Variants in CRYBG1 observed in about 807,000 individuals in gnomAD.
CRYBG1 encodes beta/gamma crystallin domain-containing protein 1.
A neutral mutation model predicts 189.2 loss-of-function variants in CRYBG1; 139 were observed. The ratio of observed to expected loss-of-function variants is 0.73; its 90% CI spans 0.64 to 0.85. The LOEUF is 0.85. Among genes scored for constraint, CRYBG1 ranks in the 40% least tolerant of loss-of-function variants. CRYBG1 has a pLI of 0.00. For missense variants in CRYBG1, 2,611 were observed against 2,675.8 expected (o/e 0.98, Z 0.53); for synonymous variants, 1,023 against 1,017.1 (o/e 1.01, Z -0.11).
At chr6:106,452,966 A>G (rs1582771028) in intron 2 of CRYBG1, among the ~76,000 whole-genome samples, 2 of 152,364 alleles carry the variant, frequency 1.3e-5, no homozygotes, top group Admixed American at 6.5e-5. Flanking sequence ...TATATTTGTC[A>G]TGAAAGAAAT....
intron 1 of CRYBG1, among the ~76,000 whole-genome samples, chr6:106,396,123 C>T (rs1008622170): frequency 9.9e-5 from 15 of 152,172 alleles, no homozygotes; most frequent in African/African-American, 3.6e-4. Context: ...ACTAGGATGC[C>T]TAAGTGCCAG....
chr6:106,414,515 A>G (rs1158254783), intron 1 of CRYBG1, among the ~76,000 whole-genome samples: 2 of 152,358 alleles, frequency 1.3e-5, no homozygotes, highest in East Asian at 3.8e-4. Flanking sequence ...GAGTTCTTCA[A>G]AATGTCCACC....
chr6:106,507,502 T>G (rs1773157764), intron 2 of CRYBG1, among the ~76,000 whole-genome samples: 2 of 152,154 alleles, frequency 1.3e-5, no homozygotes, highest in African/African-American at 4.8e-5. Flanking sequence ...TGAGGAAGCA[T>G]GAAGAAACTT....
Position 106,513,043 on chromosome 6 carries a change from A to C in CRYBG1, c.1922+4A>C, listed in dbSNP as rs1323147496. On this transcript the variant is annotated splice_donor_region_variant and intron_variant, in intron 3 of 21. Transcript: ENST00000633556. ...CAGTGACCACTAAAGTGACCCTGTA[A>C]GTAGCCGCGCAAGTCCCGGCCGAGT... is the stretch of plus-strand genomic sequence containing the variant. 5.0e-6 allele frequency: 8 copies of C among 1,597,940 alleles called. No individual in the cohort carries two copies. The African/African-American group carries it at 1.1e-4, about 21-fold the overall frequency.
intron 13 of CRYBG1, among the ~76,000 whole-genome samples, chr6:106,550,007 G>T (rs762660085): frequency 6.6e-6 from 1 of 152,180 alleles, no homozygotes; most frequent in East Asian, 1.9e-4. Context: ...CCTCAGGACA[G>T]GTAGGTTCAG....
At chr6:106,534,426 G>A (rs1369265520) in intron 8 of CRYBG1, among the ~76,000 whole-genome samples, 1 of 152,204 alleles carries the variant, frequency 6.6e-6, no homozygotes, top group Non-Finnish European at 1.5e-5. Context: ...CAGGTCATTA[G>A]TGCTTTTATA....
chr6:106,546,841 T>C (rs1306284361), intron 13 of CRYBG1, among the ~76,000 whole-genome samples: 3 of 152,248 alleles, frequency 2.0e-5, no homozygotes, highest in Non-Finnish European at 2.9e-5. Flanking sequence ...GAAACAGTTG[T>C]ACATTTTGAT....
intron 16 of CRYBG1, among the ~76,000 whole-genome samples, chr6:106,553,897 C>T (rs1774468651): frequency 3.3e-5 from 5 of 152,156 alleles, no homozygotes; most frequent in Admixed American, 3.3e-4. Flanking sequence ...ACAGGATCGG[C>T]ACTCTGCATT....
intron 4 of CRYBG1, among the ~76,000 whole-genome samples, chr6:106,523,111 G>A (rs1773648969): frequency 6.6e-6 from 1 of 151,878 alleles, no homozygotes; most frequent in Non-Finnish European, 1.5e-5. Context: ...TACTCCGCTG[G>A]ACATTTGAGA....
chr6:106,507,380 A>G (rs1445608941), intron 2 of CRYBG1, among the ~76,000 whole-genome samples: 3 of 152,214 alleles, frequency 2.0e-5, no homozygotes, highest in Non-Finnish European at 4.4e-5. Flanking sequence ...AATACACAGT[A>G]AAAAGGTAAA....
intron 1 of CRYBG1, among the ~76,000 whole-genome samples, chr6:106,421,754 A>C (rs1287451576): frequency 6.6e-6 from 1 of 152,086 alleles, no homozygotes; most frequent in Non-Finnish European, 1.5e-5. Flanking sequence ...TAAAGACATA[A>C]CCTGAGACTG....
rs995584549 is a variant in CRYBG1, at chr6:106,457,822, T to A, written c.312+5990T>A. ...CTGCTTTGTAGGAGTCCCTATGTGC[T>A]CTATCAGTGCTGATCCAACAGGTCA... On this transcript the variant is annotated intron_variant, in intron 2 of 21. Transcript: ENST00000633556. 2.6e-5 allele frequency among the ~76,000 whole-genome samples: 4 copies of A among 152,214 alleles called. No individual in the cohort carries two copies. In the South Asian group the frequency reaches 8.3e-4, roughly 31 times the overall value.
At chr6:106,470,964 T>A (rs758744597) in intron 2 of CRYBG1, among the ~76,000 whole-genome samples, 7 of 152,192 alleles carry the variant, frequency 4.6e-5, no homozygotes, top group African/African-American at 1.2e-4. Context: ...GAACTTGGGT[T>A]TTTTGCACTG....
rs556505651 is a variant in CRYBG1, at chr6:106,557,572, G to A, written c.5716-914G>A. On this transcript the variant is annotated intron_variant, in intron 17 of 21. Coordinates refer to ENST00000633556, the MANE Select transcript of CRYBG1 (RefSeq NM_001371242.2). ...ATTACAAGCATGCACCACCATGCCC[G>A]GCTAATTTTTTTGTGTTTGTTTGTT... Among the ~76,000 whole-genome samples the A allele has an allele frequency of 3.3e-5, 5 of 152,120 alleles. No homozygotes were observed. The South Asian group carries it at 8.3e-4, about 25-fold the overall frequency.
intron 3 of CRYBG1, among the ~76,000 whole-genome samples, chr6:106,517,397 TATATAC>T (rs557938522): frequency 0.014 from 1,768 of 128,324 alleles, 61 homozygotes; most frequent in African/African-American, 0.048. Flanking sequence ...CACATATATA[TATATAC>T]ACACACACAT....
At position 106,520,726 on chromosome 6, in the gene CRYBG1, C is replaced by T. The variant is rs745764944; in HGVS notation, c.3518C>T (p.Pro1173Leu). The change falls in exon 4 of 22, where the codon CCG (proline) becomes CTG (leucine). Residue 1173 changes from proline (P) to leucine (L), a missense_variant. By Grantham distance (98) the Pro-to-Leu change is moderately conservative. Transcript: ENST00000633556. ...KKKESQPEMS[P>L]ALHLMQNLDT... ...AAGGAAAGTCAGCCAGAAATGTCAC[C>T]GGCTTTACATTTGATGCAGAACCTT... 1.5e-5 allele frequency: 24 copies of T among 1,613,992 alleles called. No individual in the cohort carries two copies. The Admixed American group carries it at 1.7e-4, about 11-fold the overall frequency.
chr6:106,367,364 G>A (rs1221227930), intron 1 of CRYBG1, among the ~76,000 whole-genome samples: 2 of 151,888 alleles, frequency 1.3e-5, no homozygotes, highest in South Asian at 2.1e-4. Context: ...CAAAGTGGGC[G>A]GATCACAAGG....
At chr6:106,505,774 A>G (rs1773118858) in intron 2 of CRYBG1, among the ~76,000 whole-genome samples, 1 of 151,798 alleles carries the variant, frequency 6.6e-6, no homozygotes. Context: ...GCTCACTAGC[A>G]CAAACACACA....
chr6:106,472,739 TA>T (rs34089235), intron 2 of CRYBG1, among the ~76,000 whole-genome samples: 56,386 of 144,582 alleles, frequency 0.39, 11,594 homozygotes, highest in East Asian at 0.54. Context: ...CACAAAATAT[TA>T]AAAAAAAAAA....
Sources: gnomAD v4.1 joint callset for allele counts (sites outside exome capture counted in the v4.1 genomes callset) on GRCh38, gnomAD v4.1.1 for gene constraint, MANE v1.5 for transcripts, NCBI Gene and HGNC (gene_info 2026-07-23, HGNC 2026-07-21) for gene names.